GRIA1: variants seen among roughly 807,000 people sequenced by gnomAD.
The protein encoded by GRIA1 is glutamate ionotropic receptor AMPA type subunit 1.
A neutral mutation model predicts 99.2 loss-of-function variants in GRIA1; 31 were observed. The ratio of observed to expected loss-of-function variants is 0.31; its 90% CI spans 0.23 to 0.42. The LOEUF (loss-of-function observed/expected upper bound fraction) is 0.42, where lower values mean the gene tolerates loss of function less well. Ranked by LOEUF, GRIA1 falls within the 10% of genes least tolerant of loss-of-function variation. GRIA1 has a pLI of 1.00. For missense variants in GRIA1, 782 were observed against 1,157.5 expected, an observed-to-expected ratio of 0.68 and a Z score of 4.71; for synonymous variants, 438 against 432.4, an observed-to-expected ratio of 1.01 and a Z score of -0.16.
chr5:153,654,534 C>A (rs756180572), intron 4 of GRIA1, among the ~76,000 whole-genome samples: 30 of 152,122 alleles, frequency 2.0e-4, no homozygotes, highest in Non-Finnish European at 3.8e-4. Context: ...ATTAATAAAA[C>A]TATCATCCCA....
At chr5:153,641,567 A>G (rs1428882081) in intron 2 of GRIA1, among the ~76,000 whole-genome samples, 4 of 152,132 alleles carry the variant, frequency 2.6e-5, no homozygotes, top group African/African-American at 9.7e-5. Flanking sequence ...ACGCTCTGCT[A>G]CAGAGTTTCT....
rs139457989 is a variant in GRIA1 at position 153,621,900 on chromosome 5, A to G, written c.221-25028A>G. On this transcript the variant is annotated intron_variant, in intron 2 of 15. Transcript: ENST00000285900. ...CAGCAAGGTCCTACAGCTGATATTT[A>G]TGCATAAATTTTCTTGACTTTAATG... 1.6e-3 allele frequency among the ~76,000 whole-genome samples: 242 copies of G among 152,284 alleles called. 1 individual carries two copies. Among genetic ancestry groups the G allele is most frequent in the African/African-American group, 5.7e-3 (237 of 41,576 alleles).
intron 2 of GRIA1, among the ~76,000 whole-genome samples, chr5:153,587,109 A>G (rs555204639): frequency 6.6e-6 from 1 of 152,256 alleles, no homozygotes; most frequent in South Asian, 2.1e-4. Context: ...CCCAAATCTC[A>G]TGTTGAATTG....
chr5:153,811,264 C>T lies in GRIA1; in HGVS notation c.*39C>T, dbSNP rs750911757. 14 of 1,510,872 alleles carry T rather than the reference C, an allele frequency of 9.3e-6. No individual in the cohort carries two copies. The East Asian group carries it at 2.9e-4, about 32-fold the overall frequency. 93.6% of individuals were successfully genotyped at this position (1,510,872 alleles called of 1,614,324 possible). On this transcript the variant is annotated 3_prime_UTR_variant, in exon 16 of 16. Coordinates refer to ENST00000285900, the MANE Select transcript of GRIA1 (RefSeq NM_000827.4). ...AGACCCCTTGGGGAGCAGGCTCGGGCTCCCCAGCCCCATCCCAAACCCTTC... is the reference window on the plus strand; with the variant it reads ...AGACCCCTTGGGGAGCAGGCTCGGGTTCCCCAGCCCCATCCCAAACCCTTC...
intron 11 of GRIA1, among the ~76,000 whole-genome samples, chr5:153,742,263 C>A (rs978576817): frequency 1.6e-4 from 25 of 152,064 alleles, no homozygotes; most frequent in Admixed American, 1.3e-4. Flanking sequence ...TAGGAGTGTG[C>A]AGGAAGGAAA....
At chr5:153,693,090 T>G (rs1757871005) in intron 8 of GRIA1, among the ~76,000 whole-genome samples, 1 of 152,202 alleles carries the variant, frequency 6.6e-6, no homozygotes, top group African/African-American at 2.4e-5. Context: ...CAGTGACCAC[T>G]TTTTTGGCTG....
At position 153,674,622 on chromosome 5, in the gene GRIA1, T is replaced by G. The variant is rs748361446; in HGVS notation, c.822T>G (p.Asp274Glu). 3 of 1,614,118 alleles carry G rather than the reference T, an allele frequency of 1.9e-6. No homozygotes were observed. Among genetic ancestry groups the G allele is most frequent in the Non-Finnish European group, 1.7e-6 (2 of 1,179,986 alleles). Residue 274 changes from aspartate to glutamate, a missense_variant, in exon 6 of 16, where the codon GAT (aspartate) becomes GAG (glutamate). Coordinates refer to ENST00000285900, the MANE Select transcript of GRIA1 (RefSeq NM_000827.4). The part of the protein sequence containing the change: ...AKIMQQWKNS[D>E]ARDHTRVDWK... ...TCATGCAGCAGTGGAAGAATAGTGATGCTCGAGACCACACACGGGTGGACT... is the reference window on the plus strand; with the variant it reads ...TCATGCAGCAGTGGAAGAATAGTGAGGCTCGAGACCACACACGGGTGGACT...
intron 2 of GRIA1, among the ~76,000 whole-genome samples, chr5:153,606,807 T>C (rs1316286187): frequency 6.6e-6 from 1 of 151,676 alleles, no homozygotes; most frequent in Non-Finnish European, 1.5e-5. Context: ...CATTTATGGG[T>C]AATGAGAGTA....
intron 2 of GRIA1, among the ~76,000 whole-genome samples, chr5:153,548,390 A>G (rs1759802934): frequency 1.3e-5 from 2 of 152,146 alleles, no homozygotes; most frequent in African/African-American, 2.4e-5. Context: ...GAACTTCATC[A>G]TTTGGGGTCT....
chr5:153,674,436 G>T, intron 5 of GRIA1, 64 bp from the exon 6 acceptor site: 1 of 1,577,700 alleles, frequency 6.3e-7, no homozygotes. Flanking sequence ...TGTGGTTTTG[G>T]AACAGGTTAA....
intron 2 of GRIA1, among the ~76,000 whole-genome samples, chr5:153,638,802 G>A (rs1464601697): frequency 1.3e-5 from 2 of 152,222 alleles, no homozygotes; most frequent in Non-Finnish European, 2.9e-5. Flanking sequence ...ACATTTTTAT[G>A]TACATTTAAA....
chr5:153,712,512 C>T (rs1759385646), intron 11 of GRIA1, among the ~76,000 whole-genome samples: 1 of 152,142 alleles, frequency 6.6e-6, no homozygotes, highest in Non-Finnish European at 1.5e-5. Context: ...TTCCTCTTTC[C>T]CCTCTTTCCC....
intron 1 of GRIA1, among the ~76,000 whole-genome samples, chr5:153,492,880 G>GT (rs1754059985): frequency 1.3e-5 from 2 of 152,234 alleles, no homozygotes; most frequent in South Asian, 4.1e-4. Context: ...TGTGTGATCT[G>GT]TAACAAAAGG....
At chr5:153,545,801 T>C (rs1759562291) in intron 2 of GRIA1, among the ~76,000 whole-genome samples, 1 of 152,206 alleles carries the variant, frequency 6.6e-6, no homozygotes, top group Non-Finnish European at 1.5e-5. Context: ...TCCTGAATGA[T>C]AATATTTAAA....
chr5:153,777,624 AT>A (rs959830279), intron 13 of GRIA1, among the ~76,000 whole-genome samples: 124 of 152,042 alleles, frequency 8.2e-4, no homozygotes, highest in Middle Eastern at 3.4e-3. Context: ...CAAAGAACTT[AT>A]TTTTTTCTTT....
chr5:153,564,430 C>T (rs563780406), intron 2 of GRIA1, among the ~76,000 whole-genome samples: 4 of 152,238 alleles, frequency 2.6e-5, no homozygotes, highest in African/African-American at 9.6e-5. Flanking sequence ...AACAAATTGC[C>T]CCCAAACTCG....
rs1757617799 is a variant in GRIA1 at position 153,526,552 on chromosome 5, T to C, written c.220+32487T>C. Among the ~76,000 whole-genome samples the C allele has an allele frequency of 3.3e-5, 5 of 152,238 alleles. No homozygotes were observed. In the South Asian group the frequency reaches 1.0e-3, roughly 32 times the overall value. On this transcript the variant is annotated intron_variant, in intron 2 of 15. Transcript: ENST00000285900. The stretch of plus-strand genomic sequence containing the variant: ...GAAATGTCTTTAAATATTTTTCTGA[T>C]CTTTGAAACTGAATCCAAAGGAACT...
chr5:153,555,368 A>T (rs79636908), intron 2 of GRIA1, among the ~76,000 whole-genome samples: 6,953 of 151,978 alleles, frequency 0.046, 247 homozygotes, highest in Non-Finnish European at 0.074. Flanking sequence ...CATTCCTACC[A>T]ACGAAGAGAA....
At chr5:153,596,647 T>C (rs1764457450) in intron 2 of GRIA1, among the ~76,000 whole-genome samples, 1 of 152,086 alleles carries the variant, frequency 6.6e-6, no homozygotes, top group Non-Finnish European at 1.5e-5. Context: ...CTGGAAAAGC[T>C]GGGTGGAGGA....
Sources: allele counts gnomAD v4.1 joint callset (sites outside exome capture counted in the v4.1 genomes callset), GRCh38; gene constraint gnomAD v4.1.1; transcripts MANE v1.5; gene names NCBI Gene and HGNC (gene_info 2026-07-23, HGNC 2026-07-21).